The following COTL1 variants were observed in gnomAD, a reference collection of about 807,000 sequenced individuals.
COTL1 encodes coactosin-like protein.
In COTL1, 15 loss-of-function variants were observed where a neutral mutation model predicts 16.5. That is an observed-to-expected ratio of 0.91 (90% CI 0.61 to 1.40). The LOEUF is 1.40. Among genes scored for constraint, COTL1 ranks in the 40% most tolerant of loss-of-function variants. The pLI is 0.00. For missense variants in COTL1, 220 were observed against 201.5 expected (o/e 1.09, Z -0.56); for synonymous variants, 112 against 85.3 (o/e 1.31, Z -1.73).
intron 2 of COTL1, among the ~76,000 whole-genome samples, chr16:84,597,187 G>A (rs75222776): frequency 0.033 from 5,012 of 152,258 alleles, 278 homozygotes; most frequent in African/African-American, 0.11. Context: ...CTCCTTCTGT[G>A]AGTCTTTCTT....
intron 2 of COTL1, among the ~76,000 whole-genome samples, chr16:84,613,172 G>T (rs1206137115): frequency 1.3e-5 from 2 of 151,938 alleles, no homozygotes; most frequent in Admixed American, 1.3e-4. Flanking sequence ...GCTAATTTTT[G>T]TATTTTTAGT....
Position 84,566,613 on chromosome 16 carries a change from A to C in COTL1, c.*232T>G. The C allele has an allele frequency of 4.2e-6, 2 of 481,388 alleles. No individual in the cohort carries two copies. The highest frequency in any genetic ancestry group is 5.6e-4 in the Middle Eastern group (1 of 1,798). 29.8% of individuals were successfully genotyped at this position (481,388 alleles called of 1,614,324 possible). A position where few individuals can be genotyped will look rare whatever the true frequency, so the allele number is the denominator to read the frequency against. Reference sequence around the variant, plus strand: ...CTTTAGAACAAAAAAGAGGGGGAGAAAAGAAAAAGAAGATCAAAGAAAGAG... The same window carrying C: ...CTTTAGAACAAAAAAGAGGGGGAGACAAGAAAAAGAAGATCAAAGAAAGAG... On this transcript the variant is annotated 3_prime_UTR_variant, in exon 4 of 4. Coordinates refer to ENST00000262428, the MANE Select transcript of COTL1 (RefSeq NM_021149.5).
rs1904299467 is a variant in COTL1 at position 84,566,619 on chromosome 16, AAAG to A, written c.*223_*225del. On this transcript the variant is annotated 3_prime_UTR_variant, in exon 4 of 4. Coordinates refer to ENST00000262428, the MANE Select transcript of COTL1 (RefSeq NM_021149.5). ...AACAAAAAAGAGGGGGAGAAAAGAAAAAGAAGATCAAAGAAAGAGGTTCCATGA... is the reference window on the plus strand; with the variant it reads ...AACAAAAAAGAGGGGGAGAAAAGAAAAAGATCAAAGAAAGAGGTTCCATGA... The A allele has an allele frequency of 1.2e-5, 6 of 483,596 alleles. No homozygotes were observed. Among genetic ancestry groups the A allele is most frequent in the South Asian group, 1.0e-4 (3 of 29,486 alleles). The allele number at this position is 483,596 out of a possible 1,614,324, so 30.0% of individuals were successfully genotyped here.
At chr16:84,614,347 C>T (rs1019965654) in intron 2 of COTL1, among the ~76,000 whole-genome samples, 2 of 151,732 alleles carry the variant, frequency 1.3e-5, no homozygotes, top group Non-Finnish European at 2.9e-5. Flanking sequence ...AGGATGAGTG[C>T]GGGGGTGGGA....
intron 2 of COTL1, among the ~76,000 whole-genome samples, chr16:84,607,535 T>C (rs1051658392): frequency 1.3e-5 from 2 of 152,082 alleles, no homozygotes; most frequent in East Asian, 3.9e-4. Context: ...GAAGATAAAT[T>C]AGATAAACTA....
At chr16:84,597,775 C>T (rs1395493543) in intron 2 of COTL1, among the ~76,000 whole-genome samples, 1 of 152,180 alleles carries the variant, frequency 6.6e-6, no homozygotes, top group African/African-American at 2.4e-5. Flanking sequence ...CAAATGACTG[C>T]ATGAAGCAGC....
rs1905136786 is a variant in COTL1 at position 84,603,211 on chromosome 16, C to T, written c.161-12949G>A. Among the ~76,000 whole-genome samples, 3 of 152,326 alleles carry T rather than the reference C, an allele frequency of 2.0e-5. No homozygotes were observed. In the South Asian group the frequency reaches 6.2e-4, roughly 32 times the overall value. ...CCCGTGGACTTTAACAACACTCCAGCCCGCAAGCCTGCGCACACCAGCCCC... is the reference window on the plus strand; with the variant it reads ...CCCGTGGACTTTAACAACACTCCAGTCCGCAAGCCTGCGCACACCAGCCCC... On this transcript the variant is annotated intron_variant, in intron 2 of 3. Coordinates refer to ENST00000262428, the MANE Select transcript of COTL1 (RefSeq NM_021149.5).
chr16:84,598,950 A>T (rs1469699860), intron 2 of COTL1, among the ~76,000 whole-genome samples: 3 of 151,046 alleles, frequency 2.0e-5, no homozygotes, highest in Non-Finnish European at 4.4e-5. Flanking sequence ...ATGACCACAA[A>T]GGGGCTAGGG....
At position 84,617,921 on chromosome 16, in the gene COTL1, G is replaced by C; in HGVS notation, c.-7C>G. On this transcript the variant is annotated 5_prime_UTR_variant, in exon 1 of 4. Coordinates refer to ENST00000262428, the MANE Select transcript of COTL1 (RefSeq NM_021149.5). ...TGTCGATCTTGGTGGCCATCGCCGCGGAGCCGCAGCGGGACACTGTCCGGG... is the reference window on the plus strand; with the variant it reads ...TGTCGATCTTGGTGGCCATCGCCGCCGAGCCGCAGCGGGACACTGTCCGGG... 3 of 1,550,472 alleles carry C rather than the reference G, an allele frequency of 1.9e-6. No homozygotes were observed. The highest frequency in any genetic ancestry group is 2.6e-6 in the Non-Finnish European group (3 of 1,148,092).
chr16:84,596,399 T>C (rs900387744), intron 2 of COTL1: 2 of 152,228 alleles, frequency 1.3e-5, no homozygotes, highest in African/African-American at 2.4e-5. Flanking sequence ...ATGGGTCAAA[T>C]ACTTACCTCA....
intron 3 of COTL1, among the ~76,000 whole-genome samples, chr16:84,581,951 G>A (rs971874769): frequency 2.5e-4 from 38 of 149,386 alleles, no homozygotes; most frequent in African/African-American, 7.8e-4. Context: ...AATACACAAA[G>A]AGCCTACATG....
chr16:84,581,164 A>ATGCATGTATGTATGTATGTATGT (rs1391540848), intron 3 of COTL1, among the ~76,000 whole-genome samples: 1 of 146,910 alleles, frequency 6.8e-6, no homozygotes, highest in African/African-American at 2.6e-5. Context: ...CAAACAAATA[A>ATGCATGTATGTATGTATGTATGT]ATATATGTAT....
At chr16:84,616,263 G>A (rs1357983084) in intron 2 of COTL1, 1 of 152,114 alleles carries the variant, frequency 6.6e-6, no homozygotes. Flanking sequence ...CACTTTGAGA[G>A]GCCAAGGTGG....
At chr16:84,572,858 T>A (rs1904362428) in intron 3 of COTL1, among the ~76,000 whole-genome samples, 1 of 151,686 alleles carries the variant, frequency 6.6e-6, no homozygotes, top group African/African-American at 2.4e-5. Context: ...GCTCAAGCAA[T>A]CCTACCACCT....
intron 3 of COTL1, among the ~76,000 whole-genome samples, chr16:84,587,375 C>T (rs1291476257): frequency 1.3e-5 from 2 of 152,124 alleles, no homozygotes; most frequent in Non-Finnish European, 2.9e-5. Context: ...ACTCCGGAAC[C>T]CCACCTCCCG....
rs1311561033 is a variant in COTL1 at position 84,610,918 on chromosome 16, C to T, written c.160+6583G>A. Among the ~76,000 whole-genome samples the T allele has an allele frequency of 2.6e-5, 4 of 152,138 alleles. No homozygotes were observed. The East Asian group carries it at 7.7e-4, about 29-fold the overall frequency. On this transcript the variant is annotated intron_variant, in intron 2 of 3. Transcript: ENST00000262428. The stretch of plus-strand genomic sequence containing the variant: ...TGAAGAAGCCTTTTCTGGTAACCAC[C>T]CCACATCTCAAATTTATTTCAACCT...
intron 2 of COTL1, among the ~76,000 whole-genome samples, chr16:84,593,848 A>G (rs1007847537): frequency 3.9e-5 from 6 of 152,126 alleles, no homozygotes; most frequent in African/African-American, 1.4e-4. Flanking sequence ...GGACACTCAC[A>G]ATGTTGTGCC....
chr16:84,579,617 G>C (rs1226827866), intron 3 of COTL1, among the ~76,000 whole-genome samples: 1 of 152,250 alleles, frequency 6.6e-6, no homozygotes, highest in East Asian at 1.9e-4. Context: ...GTGTGAGGTG[G>C]GGGGTAGTGG....
chr16:84,598,829 G>A (rs1236629227), intron 2 of COTL1, among the ~76,000 whole-genome samples: 2 of 149,252 alleles, frequency 1.3e-5, no homozygotes, highest in East Asian at 2.0e-4. Context: ...AGGGGTGGGG[G>A]GGAGCAAGCA....
Sources: allele counts gnomAD v4.1 joint callset (sites outside exome capture counted in the v4.1 genomes callset), GRCh38; gene constraint gnomAD v4.1.1; transcripts MANE v1.5; gene names NCBI Gene and HGNC (gene_info 2026-07-23, HGNC 2026-07-21).